GRM7: variants seen among roughly 807,000 people sequenced by gnomAD.
The protein encoded by GRM7 is glutamate metabotropic receptor 7, also known as metabotropic glutamate receptor 7.
Under a neutral mutation model 84.5 loss-of-function variants are expected in GRM7, and 35 were observed. The ratio of observed to expected loss-of-function variants is 0.41; its 90% CI spans 0.32 to 0.55. GRM7 has a LOEUF of 0.55. Ranked by LOEUF, GRM7 falls within the 20% of genes least tolerant of loss-of-function variation. GRM7 has a pLI of 0.19. For missense variants in GRM7, 1,003 were observed against 1,194.6 expected (o/e 0.84, Z 2.36); for synonymous variants, 487 against 455.1 (o/e 1.07, Z -0.89).
chr3:6,889,116 T>G (rs1208071369), intron 1 of GRM7, among the ~76,000 whole-genome samples: 1 of 152,186 alleles, frequency 6.6e-6, no homozygotes, highest in Admixed American at 6.5e-5. Context: ...GCTTGTCAGC[T>G]TAAGGAGATT....
chr3:7,139,047 T>G (rs1272927423), intron 1 of GRM7, among the ~76,000 whole-genome samples: 1 of 147,744 alleles, frequency 6.8e-6, no homozygotes, highest in Non-Finnish European at 1.5e-5. Flanking sequence ...ATATCCTACT[T>G]TATAATATAT....
At chr3:7,354,847 G>A (rs539795602) in intron 4 of GRM7, among the ~76,000 whole-genome samples, 13 of 152,176 alleles carry the variant, frequency 8.5e-5, no homozygotes, top group African/African-American at 2.2e-4. Context: ...CCTATAAGGC[G>A]CATCAGGAGA....
chr3:7,732,323 G>A (rs539712181), intron 9 of GRM7, among the ~76,000 whole-genome samples: 12 of 152,290 alleles, frequency 7.9e-5, no homozygotes, highest in African/African-American at 2.4e-4. Flanking sequence ...GAAAAAAACT[G>A]TCTCTGCCAT....
At chr3:7,523,627 T>G (rs1700682444) in intron 7 of GRM7, among the ~76,000 whole-genome samples, 1 of 152,130 alleles carries the variant, frequency 6.6e-6, no homozygotes, top group Non-Finnish European at 1.5e-5. Flanking sequence ...CTACAAGGGA[T>G]GTACTTTCCT....
intron 1 of GRM7, among the ~76,000 whole-genome samples, chr3:6,952,020 T>C (rs1174256640): frequency 1.3e-5 from 2 of 152,208 alleles, no homozygotes; most frequent in Non-Finnish European, 2.9e-5. Context: ...TACCTTTTTT[T>C]TTAACTGGTG....
chr3:7,146,344 T>C (rs1194906943), intron 1 of GRM7, 108 bp from the exon 2 acceptor site: 4 of 833,894 alleles, frequency 4.8e-6, no homozygotes, highest in Non-Finnish European at 8.0e-6. Flanking sequence ...AAAACATGTA[T>C]CTCCTTTGCA....
At chr3:6,949,056 T>TTAACA (rs202175421) in intron 1 of GRM7, among the ~76,000 whole-genome samples, 16 of 151,896 alleles carry the variant, frequency 1.1e-4, no homozygotes, top group Non-Finnish European at 1.9e-4. Context: ...CCCATTTACA[T>TTAACA]TTAAGGTTAG....
At chr3:6,954,811 G>T (rs1692957421) in intron 1 of GRM7, among the ~76,000 whole-genome samples, 1 of 152,172 alleles carries the variant, frequency 6.6e-6, no homozygotes, top group African/African-American at 2.4e-5. Context: ...TATAGTAAGT[G>T]CCTAATAAAT....
At chr3:7,442,418 T>A (rs1249742366) in intron 5 of GRM7, among the ~76,000 whole-genome samples, 5 of 152,206 alleles carry the variant, frequency 3.3e-5, no homozygotes, top group African/African-American at 4.8e-5. Flanking sequence ...AGAGATAGTT[T>A]GACTTTGTTT....
intron 5 of GRM7, among the ~76,000 whole-genome samples, chr3:7,429,968 G>A (rs1696762553): frequency 6.6e-6 from 1 of 152,016 alleles, no homozygotes; most frequent in African/African-American, 2.4e-5. Flanking sequence ...GTATTAAATG[G>A]CACAGAATTA....
intron 8 of GRM7, among the ~76,000 whole-genome samples, chr3:7,633,324 G>A (rs1401625674): frequency 6.6e-6 from 1 of 152,174 alleles, no homozygotes; most frequent in Non-Finnish European, 1.5e-5. Context: ...TCACTTTATA[G>A]TGAGAAACTG....
chr3:7,121,044 A>G (rs1226283949), intron 1 of GRM7, among the ~76,000 whole-genome samples: 2 of 152,084 alleles, frequency 1.3e-5, no homozygotes, highest in African/African-American at 2.4e-5. Context: ...CTTATCCATC[A>G]TGGTGCCTCT....
rs566754280 is a variant in GRM7, at chr3:7,041,320, C to G, written c.520-105132C>G. Among the ~76,000 whole-genome samples the G allele has an allele frequency of 2.6e-4, 39 of 152,282 alleles. No individual in the cohort carries two copies. In the South Asian group the frequency reaches 3.7e-3, roughly 15 times the overall value. On this transcript the variant is annotated intron_variant, in intron 1 of 9. Transcript: ENST00000357716. ...CTTCCACCTTCCCATTCCCAGGCAA[C>G]CACTGATCCATTTTCTGCTACAAAT... is the stretch of plus-strand genomic sequence containing the variant.
chr3:7,488,158 C>T (rs1313294899), intron 7 of GRM7, among the ~76,000 whole-genome samples: 1 of 152,152 alleles, frequency 6.6e-6, no homozygotes, highest in African/African-American at 2.4e-5. Context: ...ATGCCTGTTT[C>T]ATGATCATAT....
chr3:7,643,154 C>A (rs556302538), intron 8 of GRM7, among the ~76,000 whole-genome samples: 1 of 152,310 alleles, frequency 6.6e-6, no homozygotes, highest in South Asian at 2.1e-4. Flanking sequence ...CAATTCAAGT[C>A]ATTCTCTTTG....
At chr3:7,359,220 TTGTGTGTGTGTGTGTGTG>T (rs34535570) in intron 4 of GRM7, among the ~76,000 whole-genome samples, 1 of 133,174 alleles carries the variant, frequency 7.5e-6, no homozygotes, top group Non-Finnish European at 1.6e-5. Context: ...GTGTTTGTGT[TTGTGTGTGTGTGTGTGTG>T]TGTGTGTGTG....
intron 1 of GRM7, among the ~76,000 whole-genome samples, chr3:7,058,483 A>G (rs1026006644): frequency 1.3e-4 from 19 of 151,858 alleles, no homozygotes; most frequent in African/African-American, 4.1e-4. Flanking sequence ...TGATGTCAAT[A>G]TTTGATTGTT....
chr3:7,377,061 A>G (rs1694382537), intron 4 of GRM7, among the ~76,000 whole-genome samples: 1 of 152,264 alleles, frequency 6.6e-6, no homozygotes, highest in Non-Finnish European at 1.5e-5. Context: ...TAAGAAAAAA[A>G]TCAATTATTG....
intron 9 of GRM7, among the ~76,000 whole-genome samples, chr3:7,690,766 TG>T (rs1294245220): frequency 1.3e-5 from 2 of 152,232 alleles, no homozygotes; most frequent in African/African-American, 4.8e-5. Flanking sequence ...GATTCTAATT[TG>T]GTAAACACAA....
Sources: allele counts gnomAD v4.1 joint callset (sites outside exome capture counted in the v4.1 genomes callset), GRCh38; gene constraint gnomAD v4.1.1; transcripts MANE v1.5; gene names NCBI Gene and HGNC (gene_info 2026-07-23, HGNC 2026-07-21).